Variants in STXBP5L observed in about 807,000 individuals in gnomAD.
STXBP5L encodes syntaxin-binding protein 5-like.
A neutral mutation model predicts 144.5 loss-of-function variants in STXBP5L; 65 were observed. The observed-to-expected ratio is 0.45, with a 90% CI of 0.37 to 0.55. The LOEUF is 0.55. STXBP5L is among the 20% of genes least tolerant of loss of function. STXBP5L has a pLI of 0.00. For missense variants in STXBP5L, 1,298 were observed against 1,405.5 expected (o/e 0.92, Z 1.22); for synonymous variants, 505 against 469.6 (o/e 1.08, Z -0.97).
intron 20 of STXBP5L, among the ~76,000 whole-genome samples, chr3:121,322,669 G>T (rs530259547): frequency 3.5e-4 from 52 of 149,454 alleles, no homozygotes; most frequent in African/African-American, 1.1e-3. Flanking sequence ...ATTTCTTTTT[G>T]TGTGTGTGTG....
chr3:120,959,460 C>G (rs983932298), intron 3 of STXBP5L, among the ~76,000 whole-genome samples: 1 of 152,018 alleles, frequency 6.6e-6, no homozygotes, highest in East Asian at 1.9e-4. Context: ...CCTAAGCCAA[C>G]AGAACAAAGC....
chr3:121,164,168 C>G (rs1366609703), intron 9 of STXBP5L, among the ~76,000 whole-genome samples: 1 of 152,018 alleles, frequency 6.6e-6, no homozygotes, highest in African/African-American at 2.4e-5. Flanking sequence ...CTTTATAACT[C>G]CATTAAAAAA....
At chr3:121,041,431 A>G (rs983557651) in intron 3 of STXBP5L, among the ~76,000 whole-genome samples, 5 of 152,112 alleles carry the variant, frequency 3.3e-5, no homozygotes, top group Non-Finnish European at 7.4e-5. Flanking sequence ...AATGAGGTGT[A>G]TCTAGATTCC....
At chr3:121,019,031 G>A (rs544907336) in intron 3 of STXBP5L, among the ~76,000 whole-genome samples, 8 of 152,190 alleles carry the variant, frequency 5.3e-5, no homozygotes, top group African/African-American at 1.9e-4. Context: ...TGTTGAGGGG[G>A]CACAGTGGGA....
chr3:120,939,419 A>C (rs1710442163), intron 2 of STXBP5L, among the ~76,000 whole-genome samples: 1 of 152,178 alleles, frequency 6.6e-6, no homozygotes, highest in Non-Finnish European at 1.5e-5. Context: ...TTGTGTATTT[A>C]GATTTTATTT....
chr3:120,950,915 C>A (rs1468024414), intron 2 of STXBP5L, among the ~76,000 whole-genome samples: 1 of 152,146 alleles, frequency 6.6e-6, no homozygotes, highest in Non-Finnish European at 1.5e-5. Flanking sequence ...TACTACAAGG[C>A]TACAGTAACC....
chr3:121,360,443 T>G (rs2045677223), intron 20 of STXBP5L, among the ~76,000 whole-genome samples: 1 of 152,054 alleles, frequency 6.6e-6, no homozygotes, highest in African/African-American at 2.4e-5. Context: ...ATTTTGTTAT[T>G]TGTTTTCTGG....
chr3:121,019,681 G>T (rs908947047), intron 3 of STXBP5L, among the ~76,000 whole-genome samples: 1 of 152,114 alleles, frequency 6.6e-6, no homozygotes, highest in South Asian at 2.1e-4. Flanking sequence ...AATAACAATC[G>T]CACAGTTTGG....
chr3:121,028,998 A>G (rs1404039913), intron 3 of STXBP5L, among the ~76,000 whole-genome samples: 2 of 152,158 alleles, frequency 1.3e-5, no homozygotes, highest in Non-Finnish European at 2.9e-5. Flanking sequence ...CTTCAAGACG[A>G]ACTACAAACT....
intron 3 of STXBP5L, among the ~76,000 whole-genome samples, chr3:121,002,739 T>C (rs1943894752): frequency 6.9e-6 from 1 of 145,476 alleles, no homozygotes; most frequent in South Asian, 2.3e-4. Context: ...CAGTGTGTGA[T>C]GTTCCCCTTC....
chr3:121,118,453 C>T lies in STXBP5L; in HGVS notation c.606-3188C>T, dbSNP rs114265094. On this transcript the variant is annotated intron_variant, in intron 6 of 26. Coordinates refer to ENST00000471454, the MANE Select transcript of STXBP5L (RefSeq NM_001308330.2). The stretch of plus-strand genomic sequence containing the variant: ...CTGTGCCCAGAAATTTTAAGTACTG[C>T]AGTTTATAGTTTGTTGGAATGGCTG... 7.9e-3 allele frequency among the ~76,000 whole-genome samples: 1,199 copies of T among 151,692 alleles called. 20 individuals are homozygous for T. Among genetic ancestry groups the T allele is most frequent in the African/African-American group, 0.027 (1,121 of 41,496 alleles).
chr3:121,398,385 G>A (rs1257278437), intron 22 of STXBP5L, among the ~76,000 whole-genome samples: 1 of 152,186 alleles, frequency 6.6e-6, no homozygotes, highest in African/African-American at 2.4e-5. Flanking sequence ...TGTGGTGGGG[G>A]ACAGATATTG....
chr3:121,046,218 T>C (rs927248068), intron 5 of STXBP5L, among the ~76,000 whole-genome samples: 4 of 152,194 alleles, frequency 2.6e-5, no homozygotes, highest in African/African-American at 9.7e-5. Context: ...AAAGCCTGCT[T>C]GAGTGTGGTT....
intron 9 of STXBP5L, among the ~76,000 whole-genome samples, chr3:121,194,524 G>A (rs1197902247): frequency 2.0e-5 from 3 of 151,128 alleles, no homozygotes; most frequent in Non-Finnish European, 2.9e-5. Flanking sequence ...AAAAAAAAAA[G>A]TAACTTTGTG....
intron 19 of STXBP5L, among the ~76,000 whole-genome samples, chr3:121,303,192 A>C (rs1480569129): frequency 1.3e-5 from 2 of 152,234 alleles, no homozygotes; most frequent in Non-Finnish European, 2.9e-5. Context: ...CAAGAAAAAA[A>C]CAACCCCATC....
chr3:121,051,487 C>G (rs1278223291), intron 5 of STXBP5L, among the ~76,000 whole-genome samples: 3 of 152,210 alleles, frequency 2.0e-5, no homozygotes, highest in African/African-American at 7.2e-5. Flanking sequence ...TGAATGACTA[C>G]TGGGTACGTG....
chr3:120,975,561 C>G (rs1050228424), intron 3 of STXBP5L, among the ~76,000 whole-genome samples: 5 of 152,082 alleles, frequency 3.3e-5, no homozygotes, highest in African/African-American at 1.2e-4. Context: ...ATTGCCCTGG[C>G]CAGAACTTCC....
At chr3:121,008,916 G>C (rs144247478) in intron 3 of STXBP5L, among the ~76,000 whole-genome samples, 1 of 146,228 alleles carries the variant, frequency 6.8e-6, no homozygotes, top group Non-Finnish European at 1.5e-5. Context: ...AGTTTCTTAC[G>C]GTTTAATATA....
At chr3:120,992,705 G>T (rs1177324149) in intron 3 of STXBP5L, among the ~76,000 whole-genome samples, 1 of 151,906 alleles carries the variant, frequency 6.6e-6, no homozygotes, top group Admixed American at 6.6e-5. Flanking sequence ...TTTATCCATT[G>T]ATGGAAACTT....
Sources: allele counts gnomAD v4.1 joint callset (sites outside exome capture counted in the v4.1 genomes callset), GRCh38; gene constraint gnomAD v4.1.1; transcripts MANE v1.5; gene names NCBI Gene and HGNC (gene_info 2026-07-23, HGNC 2026-07-21).